Variants in HDAC2 observed in about 807,000 individuals in gnomAD.
HDAC2 encodes the protein histone deacetylase 2.
HDAC2 carries 5 observed loss-of-function variants against 68.5 expected under a neutral mutation model. The observed-to-expected ratio is 0.07, with a 90% CI of 0.04 to 0.15. The LOEUF (loss-of-function observed/expected upper bound fraction) is 0.15. Ranked by LOEUF, HDAC2 falls within the 10% of genes least tolerant of loss-of-function variation. The probability of loss-of-function intolerance (pLI) is 1.00; values close to 1 mark genes in which losing one functional copy is unlikely to be tolerated. For missense variants in HDAC2, 291 were observed against 600.8 expected (o/e 0.48, Z 5.39); for synonymous variants, 182 against 191.3 (o/e 0.95, Z 0.40).
chr6:113,948,937 A>C (rs766439892), intron 8 of HDAC2, 42 bp downstream of exon 8: 13 of 1,601,342 alleles, frequency 8.1e-6, no homozygotes, highest in Middle Eastern at 1.7e-4. Context: ...GGTGGAAGAA[A>C]AACCATTTTT....
At chr6:113,954,212 T>A (rs1389574359) in intron 5 of HDAC2, among the ~76,000 whole-genome samples, 1 of 152,240 alleles carries the variant, frequency 6.6e-6, no homozygotes, top group Admixed American at 6.5e-5. Flanking sequence ...CCTTTTGAAG[T>A]ATAGTGAAGT....
intron 4 of HDAC2, 111 bp downstream of exon 4, chr6:113,956,508 C>T (rs1184584595): frequency 1.3e-5 from 10 of 755,952 alleles, no homozygotes; most frequent in Non-Finnish European, 2.1e-5. Context: ...TACTGATTTC[C>T]TTTTGTTATC....
intron 1 of HDAC2, among the ~76,000 whole-genome samples, chr6:113,967,419 A>G (rs1000869104): frequency 1.3e-5 from 2 of 152,170 alleles, no homozygotes; most frequent in Non-Finnish European, 2.9e-5. Flanking sequence ...ATGAGCCACC[A>G]CACCTGGCCT....
At chr6:113,964,976 C>T (rs1248992624) in intron 1 of HDAC2, among the ~76,000 whole-genome samples, 9 of 152,188 alleles carry the variant, frequency 5.9e-5, no homozygotes, top group African/African-American at 1.4e-4. Flanking sequence ...TTAAATATGT[C>T]TATTTCTATC....
intron 1 of HDAC2, among the ~76,000 whole-genome samples, chr6:113,966,792 G>A (rs1776833150): frequency 6.6e-6 from 1 of 152,090 alleles, no homozygotes; most frequent in Non-Finnish European, 1.5e-5. Flanking sequence ...CTCTGATGAG[G>A]TAAAATTTGA....
In HDAC2 at chr6:113,949,025, G is replaced by A. The variant is rs1249272347; in HGVS notation, c.795C>T (p.Asp265=). The A allele has an allele frequency of 6.2e-7, 1 of 1,613,960 alleles. No individual in the cohort carries two copies. Among genetic ancestry groups the A allele is most frequent in the Non-Finnish European group, 8.5e-7 (1 of 1,179,970 alleles). ...AACCCAGTCTATCACCAGATAATGAGTCTGCACCACACTGTAATACCACAG... is the reference window on the plus strand; with the variant it reads ...AACCCAGTCTATCACCAGATAATGAATCTGCACCACACTGTAATACCACAG... ...PSAVVLQCGA[D]SLSGDRLGCF... The change falls in exon 8 of 14, where the codon GAC becomes GAT. Residue 265 remains aspartate, a synonymous_variant. Transcript: ENST00000519065.
chr6:113,946,208 A>T, intron 8 of HDAC2, 60 bp from the exon 9 acceptor site: 1 of 1,416,554 alleles, frequency 7.1e-7, no homozygotes, highest in Non-Finnish European at 9.7e-7. Flanking sequence ...TCGAAAAATA[A>T]ATTTTAAAAA....
At position 113,949,216 on chromosome 6, in the gene HDAC2, T is replaced by C; in HGVS notation, c.684A>G (p.Pro228=). The C allele has an allele frequency of 1.9e-6, 3 of 1,608,688 alleles. No homozygotes were observed. The highest frequency in any genetic ancestry group is 2.2e-5 in the South Asian group (2 of 90,962). The change falls in exon 7 of 14, where the codon CCA becomes CCG. Residue 228 remains proline (P), a synonymous_variant. Coordinates refer to ENST00000519065, the MANE Select transcript of HDAC2 (RefSeq NM_001527.4). ...GKGKYYAVNF[P]MRDGIDDESY... Reference sequence around the variant, plus strand: ...ACTCATCATCTATACCATCTCTCATTGGAAAATTGACAGCATAGTATTTGC... The same window carrying C: ...ACTCATCATCTATACCATCTCTCATCGGAAAATTGACAGCATAGTATTTGC...
At chr6:113,961,415 A>T (rs763889308) in intron 1 of HDAC2, among the ~76,000 whole-genome samples, 3 of 152,174 alleles carry the variant, frequency 2.0e-5, no homozygotes, top group Non-Finnish European at 4.4e-5. Context: ...CTTCATTTTC[A>T]GCACAGCTCT....
chr6:113,941,115 TA>T, intron 13 of HDAC2, 27 bp from the exon 14 acceptor site: 1 of 1,595,988 alleles, frequency 6.3e-7, no homozygotes, highest in Non-Finnish European at 8.6e-7. Flanking sequence ...TGTGAAATAT[TA>T]AAAATGGCAC....
In HDAC2 at chr6:113,941,457, C is replaced by T. The variant is rs143333227; in HGVS notation, c.1436+251G>A. Among the ~76,000 whole-genome samples the T allele has an allele frequency of 2.8e-4, 43 of 151,976 alleles. No individual in the cohort carries two copies. The East Asian group carries it at 8.3e-3, about 29-fold the overall frequency. On this transcript the variant is annotated intron_variant, in intron 13 of 13. Transcript: ENST00000519065. ...CATTAAGTGCATATATAAAAGATAA[C>T]AGCAAAAAAGGGTCTCAGATAAACT...
intron 1 of HDAC2, among the ~76,000 whole-genome samples, chr6:113,962,571 T>C (rs748754412): frequency 6.6e-6 from 1 of 152,110 alleles, no homozygotes; most frequent in East Asian, 1.9e-4. Flanking sequence ...AGTTTCTCTG[T>C]TGAAATTTAG....
rs1329787280 is a variant in HDAC2 at position 113,941,094 on chromosome 6, A to G, written c.1437-6T>C. On this transcript the variant is annotated splice_region_variant and splice_polypyrimidine_tract_variant and intron_variant, in intron 13 of 13. Transcript: ENST00000519065. ...TGAGCTGTTCTGATTTGGTTCTGTT[A>G]AAAGAGGCAATGTGAAATATTAAAA... 6.2e-7 allele frequency: 1 copy of G among 1,607,408 alleles called. No homozygotes were observed.
At chr6:113,943,876 ATACCAAATATG>A (rs1277965682) in intron 11 of HDAC2, among the ~76,000 whole-genome samples, 2 of 152,244 alleles carry the variant, frequency 1.3e-5, no homozygotes, top group African/African-American at 4.8e-5. Flanking sequence ...AAAAGTACCA[ATACCAAATATG>A]TTAGACAGTC....
At chr6:113,959,596 T>TAAACAAA (rs1776632330) in intron 2 of HDAC2, 2 of 122,240 alleles carry the variant, frequency 1.6e-5, no homozygotes, top group African/African-American at 6.1e-5. Flanking sequence ...ACAATTATTG[T>TAAACAAA]AAAAAAAAAA....
intron 8 of HDAC2, chr6:113,946,435 CTATTT>C (rs960720080): frequency 5.1e-6 from 1 of 194,216 alleles, no homozygotes; most frequent in African/African-American, 2.3e-5. Context: ...GAATATACAC[CTATTT>C]TATTAACACA....
chr6:113,954,635 T>C (rs371143698), intron 5 of HDAC2, among the ~76,000 whole-genome samples: 8 of 152,232 alleles, frequency 5.3e-5, no homozygotes, highest in African/African-American at 1.7e-4. Flanking sequence ...AGGCAAATGA[T>C]TGCAAATGAT....
chr6:113,955,023 A>C (rs1256588344), intron 5 of HDAC2, among the ~76,000 whole-genome samples: 2 of 152,250 alleles, frequency 1.3e-5, no homozygotes, highest in Admixed American at 1.3e-4. Context: ...AGACTAACTC[A>C]ATAGGTAAAA....
intron 8 of HDAC2, chr6:113,947,559 A>C (rs1776292264): frequency 6.6e-6 from 1 of 152,202 alleles, no homozygotes; most frequent in Admixed American, 6.5e-5. Flanking sequence ...TATTAAGTAC[A>C]AAAACATTAA....
Sources: allele counts gnomAD v4.1 joint callset (sites outside exome capture counted in the v4.1 genomes callset), GRCh38; gene constraint gnomAD v4.1.1; transcripts MANE v1.5; gene names NCBI Gene and HGNC (gene_info 2026-07-23, HGNC 2026-07-21).